The following EXOC4 variants were observed in gnomAD, a reference collection of about 807,000 sequenced individuals.
EXOC4 encodes SEC8-like 1.
EXOC4 carries 71 observed loss-of-function variants against 107.2 expected under a neutral mutation model. That is an observed-to-expected ratio of 0.66 (90% CI 0.55 to 0.81). EXOC4 has a LOEUF of 0.81. Ranked by LOEUF, EXOC4 falls within the 30% of genes least tolerant of loss-of-function variation. The probability of loss-of-function intolerance (pLI) is 0.00; values close to 1 mark genes in which losing one functional copy is unlikely to be tolerated. For missense variants in EXOC4, 1,108 were observed against 1,189.6 expected (o/e 0.93, Z 1.01); for synonymous variants, 456 against 441.2 (o/e 1.03, Z -0.42).
chr7:133,976,849 C>G (rs539910632), intron 14 of EXOC4, among the ~76,000 whole-genome samples: 13 of 152,320 alleles, frequency 8.5e-5, no homozygotes, highest in African/African-American at 3.1e-4. Flanking sequence ...CCCACTGTTT[C>G]TCTGAAAATC....
rs376528657 is a variant in EXOC4, at chr7:134,007,669, C to T, written c.2528-7C>T. The stretch of plus-strand genomic sequence containing the variant: ...TTTCTTTGCCCCGCACTGTGCTGAC[C>T]CCTCAGGCCTGGGCCACCTGATCTC... On this transcript the variant is annotated splice_polypyrimidine_tract_variant and splice_region_variant and intron_variant, in intron 16 of 17. Transcript: ENST00000253861. 18 of 1,610,538 alleles carry T rather than the reference C, an allele frequency of 1.1e-5. No individual in the cohort carries two copies. In the African/African-American group the frequency reaches 2.1e-4, roughly 19 times the overall value.
chr7:133,590,171 C>T (rs1266290532), intron 9 of EXOC4, among the ~76,000 whole-genome samples: 3 of 152,134 alleles, frequency 2.0e-5, no homozygotes, highest in African/African-American at 4.8e-5. Context: ...GCCCCTGGTC[C>T]GTTGTGGGCA....
chr7:133,668,334 G>C (rs1793863052), intron 10 of EXOC4, among the ~76,000 whole-genome samples: 1 of 152,174 alleles, frequency 6.6e-6, no homozygotes, highest in Admixed American at 6.5e-5. Flanking sequence ...ACAGTCATTT[G>C]CCTAATCGCC....
intron 10 of EXOC4, among the ~76,000 whole-genome samples, chr7:133,775,787 G>A (rs962529847): frequency 6.6e-6 from 1 of 152,142 alleles, no homozygotes; most frequent in Non-Finnish European, 1.5e-5. Context: ...CGCACTTTCA[G>A]TGAAGAAAGT....
intron 8 of EXOC4, among the ~76,000 whole-genome samples, chr7:133,476,790 G>A (rs914999583): frequency 4.6e-5 from 7 of 152,230 alleles, no homozygotes; most frequent in African/African-American, 1.4e-4. Context: ...ACTATCTCAC[G>A]TAACAAGGAT....
chr7:134,054,948 A>T (rs10228192), intron 17 of EXOC4, among the ~76,000 whole-genome samples: 27,557 of 152,042 alleles, frequency 0.18, 2,843 homozygotes, highest in African/African-American at 0.27. Flanking sequence ...GTTCTGAGTC[A>T]CATGTCCTTG....
At chr7:133,598,850 G>A (rs1218384701) in intron 9 of EXOC4, among the ~76,000 whole-genome samples, 1 of 152,118 alleles carries the variant, frequency 6.6e-6, no homozygotes, top group Non-Finnish European at 1.5e-5. Context: ...TGGGCGTGGT[G>A]GCAGGCACCT....
At chr7:133,315,942 C>T (rs1229214026) in intron 4 of EXOC4, among the ~76,000 whole-genome samples, 1 of 152,130 alleles carries the variant, frequency 6.6e-6, no homozygotes, top group African/African-American at 2.4e-5. Flanking sequence ...CCCTGTTTCC[C>T]TGTAACAAGT....
At chr7:133,720,350 A>G (rs1197997066) in intron 10 of EXOC4, among the ~76,000 whole-genome samples, 1 of 152,220 alleles carries the variant, frequency 6.6e-6, no homozygotes, top group Non-Finnish European at 1.5e-5. Flanking sequence ...AATCTGCTAT[A>G]TGTGCAAATA....
chr7:133,714,673 G>C (rs1404422030), intron 10 of EXOC4, among the ~76,000 whole-genome samples: 1 of 152,094 alleles, frequency 6.6e-6, no homozygotes, highest in East Asian at 1.9e-4. Context: ...CATTGTATTA[G>C]GTATTGTAAG....
chr7:133,591,945 A>C lies in EXOC4; in HGVS notation c.1418-38100A>C, dbSNP rs77427664. ...AATCTGCTGAGCTAAACAGTTTTTGAATTTTTTTCCACTCAGTACTCTAAA... is the reference window on the plus strand; with the variant it reads ...AATCTGCTGAGCTAAACAGTTTTTGCATTTTTTTCCACTCAGTACTCTAAA... On this transcript the variant is annotated intron_variant, in intron 9 of 17. Coordinates refer to ENST00000253861, the MANE Select transcript of EXOC4 (RefSeq NM_021807.4). Among the ~76,000 whole-genome samples, 1,150 of 152,190 alleles carry C rather than the reference A, an allele frequency of 7.6e-3. 9 individuals carry two copies. Among genetic ancestry groups the C allele is most frequent in the Middle Eastern group, 0.014 (4 of 294 alleles).
intron 4 of EXOC4, among the ~76,000 whole-genome samples, chr7:133,316,207 G>GT (rs1387014947): frequency 6.6e-6 from 1 of 152,180 alleles, no homozygotes; most frequent in Admixed American, 6.5e-5. Context: ...AAAGGAGTGT[G>GT]TGAAGGAGAT....
At chr7:133,983,249 T>C (rs1794037756) in intron 14 of EXOC4, among the ~76,000 whole-genome samples, 1 of 152,108 alleles carries the variant, frequency 6.6e-6, no homozygotes, top group South Asian at 2.1e-4. Context: ...CACCTCCCAC[T>C]AGGCCCCACC....
At chr7:133,920,174 C>G (rs764435290) in intron 13 of EXOC4, among the ~76,000 whole-genome samples, 3 of 152,162 alleles carry the variant, frequency 2.0e-5, no homozygotes, top group Non-Finnish European at 4.4e-5. Context: ...TTTGCTGTCT[C>G]TATATCTTTG....
intron 10 of EXOC4, among the ~76,000 whole-genome samples, chr7:133,771,707 T>C (rs953780475): frequency 1.3e-5 from 2 of 151,988 alleles, no homozygotes; most frequent in African/African-American, 2.4e-5. Context: ...CCATATCATA[T>C]TGCTACAGTC....
chr7:133,686,828 A>G (rs1035422968), intron 10 of EXOC4, among the ~76,000 whole-genome samples: 14 of 152,266 alleles, frequency 9.2e-5, no homozygotes, highest in African/African-American at 3.4e-4. Context: ...AAGTAGAAGT[A>G]CCTTTTGATC....
At chr7:133,732,732 C>T (rs1228385236) in intron 10 of EXOC4, 4 of 156,406 alleles carry the variant, frequency 2.6e-5, no homozygotes, top group Non-Finnish European at 5.6e-5. Flanking sequence ...ATTTACTGGC[C>T]ACTTCTTTCA....
At chr7:133,646,669 G>T (rs778950608) in intron 10 of EXOC4, among the ~76,000 whole-genome samples, 8 of 152,098 alleles carry the variant, frequency 5.3e-5, no homozygotes, top group Non-Finnish European at 1.0e-4. Flanking sequence ...GATGGATGTT[G>T]AATAACTACT....
At chr7:133,902,780 G>A (rs372118963) in intron 12 of EXOC4, among the ~76,000 whole-genome samples, 3 of 151,928 alleles carry the variant, frequency 2.0e-5, no homozygotes, top group Non-Finnish European at 4.4e-5. Context: ...GCTTGAACCC[G>A]GGAGGCAGAG....
Sources: gnomAD v4.1 joint callset for allele counts (sites outside exome capture counted in the v4.1 genomes callset) on GRCh38, gnomAD v4.1.1 for gene constraint, MANE v1.5 for transcripts, NCBI Gene and HGNC (gene_info 2026-07-23, HGNC 2026-07-21) for gene names.